The following LAMTOR5 variants were observed in gnomAD, a reference collection of about 807,000 sequenced individuals.
LAMTOR5 encodes ragulator complex protein LAMTOR5.
LAMTOR5 carries 8 observed loss-of-function variants against 12.1 expected under a neutral mutation model. That is an observed-to-expected ratio of 0.66 (90% CI 0.39 to 1.19). The LOEUF is 1.19. LAMTOR5 is among the 50% of genes most tolerant of loss of function. The pLI is 0.01. For synonymous variants in LAMTOR5, 37 were observed against 41.9 expected, an observed-to-expected ratio of 0.88 and a Z score of 0.45; for missense variants, 110 against 112.8, an observed-to-expected ratio of 0.97 and a Z score of 0.11.
upstream of LAMTOR5, chr1:110,407,846 G>C: frequency 1.2e-6 from 2 of 1,613,786 alleles, no homozygotes; most frequent in Non-Finnish European, 1.7e-6. Flanking sequence ...GACCGTCGAG[G>C]TGACCTGCAC....
intron 3 of LAMTOR5, 132 bp from the exon 4 acceptor site, chr1:110,401,715 AAACAT>A (rs1485467847): frequency 4.4e-6 from 4 of 911,828 alleles, no homozygotes; most frequent in African/African-American, 1.7e-5. Context: ...AGCAATATTT[AAACAT>A]AACAAAACAT....
upstream of LAMTOR5, chr1:110,407,699 C>G (rs770210810): frequency 2.5e-6 from 4 of 1,614,200 alleles, no homozygotes; most frequent in Non-Finnish European, 3.4e-6. Context: ...TCACTTGACG[C>G]GAGCGGGGCG....
chr1:110,405,538 A>T (rs1230555859), intron 2 of LAMTOR5, among the ~76,000 whole-genome samples: 4 of 151,960 alleles, frequency 2.6e-5, no homozygotes, highest in Non-Finnish European at 5.9e-5. Flanking sequence ...ACTGTGTTGC[A>T]CAGGCTGGTC....
At chr1:110,402,894 C>T (rs762616738) in intron 3 of LAMTOR5, among the ~76,000 whole-genome samples, 3 of 152,214 alleles carry the variant, frequency 2.0e-5, no homozygotes, top group Admixed American at 6.5e-5. Flanking sequence ...GTTTTATTGA[C>T]TCACTCAGAG....
rs2270686 is a variant in LAMTOR5 at position 110,401,500 on chromosome 1, C to A, written c.*23G>T. On this transcript the variant is annotated 3_prime_UTR_variant, in exon 4 of 4. Transcript: ENST00000602318. ...GGTAGGATCCAGTTCCTATGACAGG[C>A]TGCTGAAGAACAGATATGAGCATCA... The A allele has an allele frequency of 2.0e-4, 312 of 1,594,780 alleles. No homozygotes were observed. In the East Asian group the frequency reaches 6.5e-3, roughly 33 times the overall value.
chr1:110,407,867 G>T, upstream of LAMTOR5: 1 of 1,612,306 alleles, frequency 6.2e-7, no homozygotes, highest in Non-Finnish European at 8.5e-7. Context: ...CTGGCTCCAT[G>T]GCGGAACCGG....
At chr1:110,407,748 A>AC (rs771515691), upstream of LAMTOR5, 2 of 1,614,096 alleles carry the variant, frequency 1.2e-6, no homozygotes, top group South Asian at 2.2e-5. Flanking sequence ...AAAATTGATC[A>AC]CGGTGCAACG....
intron 2 of LAMTOR5, among the ~76,000 whole-genome samples, chr1:110,405,630 C>T (rs1482094134): frequency 6.6e-6 from 1 of 152,044 alleles, no homozygotes; most frequent in East Asian, 1.9e-4. Context: ...TGCACCTGGT[C>T]CCTCAATTTC....
chr1:110,407,591 TTCCAAGTGCTGC>T lies in LAMTOR5; in HGVS notation c.18_29del (p.Gln7_Glu10del). On this transcript the variant is annotated inframe_deletion, in exon 1 of 4. Transcript: ENST00000602318. ...AAGAGGCGCGCACTACTCACGTGTC[TTCCAAGTGCTGC>T]TCCAAGGTCGCCTCCATCCCACCCA... 6.2e-7 allele frequency: 1 copy of T among 1,613,980 alleles called. No homozygotes were observed. Among genetic ancestry groups the T allele is most frequent in the Non-Finnish European group, 8.5e-7 (1 of 1,179,958 alleles).
At chr1:110,402,824 TA>T (rs1480973362) in intron 3 of LAMTOR5, among the ~76,000 whole-genome samples, 1 of 152,074 alleles carries the variant, frequency 6.6e-6, no homozygotes, top group Non-Finnish European at 1.5e-5. Flanking sequence ...TAAAAAAGTT[TA>T]AAAAAAGAAT....
chr1:110,407,330 A>G, intron 1 of LAMTOR5: 1 of 591,294 alleles, frequency 1.7e-6, no homozygotes, highest in South Asian at 2.1e-5. Context: ...ACAACGAGAT[A>G]GGCAGTTTTG....
rs768733273 is a variant in LAMTOR5 at position 110,406,355 on chromosome 1, T to TC, written c.59dup (p.Val21SerfsTer10). The stretch of plus-strand genomic sequence containing the variant: ...GTCCTTGTGAATCTGTGCACAGGAC[T>TC]CCAACAATGGAGGGATTCTTCATTC... On this transcript the variant is annotated frameshift_variant, in exon 2 of 4. Coordinates refer to ENST00000602318, the MANE Select transcript of LAMTOR5 (RefSeq NM_001382293.1). LOFTEE classifies it high-confidence loss of function. 6.2e-7 allele frequency: 1 copy of TC among 1,610,228 alleles called. No homozygotes were observed.
chr1:110,406,201 C>T (rs941113023), intron 2 of LAMTOR5, 117 bp downstream of exon 2: 26 of 588,308 alleles, frequency 4.4e-5, no homozygotes, highest in Admixed American at 2.4e-4. Flanking sequence ...CTCTCAAACT[C>T]AGAAAGACCT....
At chr1:110,405,331 T>C (rs1663306298) in intron 2 of LAMTOR5, among the ~76,000 whole-genome samples, 1 of 151,932 alleles carries the variant, frequency 6.6e-6, no homozygotes, top group African/African-American at 2.4e-5. Flanking sequence ...TGGCTAATTT[T>C]TTTTTGCATT....
Position 110,403,955 on chromosome 1 carries a change from G to A in LAMTOR5, c.179C>T (p.Thr60Ile). ...TTCTAGACACACCACAGGAATATCA[G>A]TGGGGTCAGAGGTTAGCTTAGCTGC... ...QQAAKLTSDP[T>I]DIPVVCLESD... is the part of the protein sequence containing the mutation. The change falls in exon 3 of 4, where the codon ACT (threonine) becomes ATT (isoleucine). Residue 60 changes from threonine to isoleucine, a missense_variant. By Grantham distance (89) the Thr-to-Ile change is moderately conservative. Coordinates refer to ENST00000602318, the MANE Select transcript of LAMTOR5 (RefSeq NM_001382293.1). The A allele has an allele frequency of 1.9e-6, 3 of 1,614,208 alleles. No homozygotes were observed. Among genetic ancestry groups the A allele is most frequent in the Non-Finnish European group, 2.5e-6 (3 of 1,180,032 alleles).
At chr1:110,403,022 C>T (rs979374479) in intron 3 of LAMTOR5, among the ~76,000 whole-genome samples, 3 of 152,008 alleles carry the variant, frequency 2.0e-5, no homozygotes, top group Non-Finnish European at 2.9e-5. Flanking sequence ...ACATAAATAC[C>T]ACTGTTATAA....
intron 1 of LAMTOR5, chr1:110,406,981 G>T: frequency 1.5e-6 from 1 of 652,866 alleles, no homozygotes; most frequent in Non-Finnish European, 2.8e-6. Context: ...TGTTAAAAAC[G>T]CATGTTTTAG....
intron 1 of LAMTOR5, chr1:110,406,617 G>C: frequency 3.0e-6 from 1 of 329,772 alleles, no homozygotes; most frequent in African/African-American, 2.2e-5. Context: ...CTGAGGTCGG[G>C]AGTTCAAGAC....
chr1:110,402,661 GA>G (rs1456475398), intron 3 of LAMTOR5, among the ~76,000 whole-genome samples: 43 of 152,124 alleles, frequency 2.8e-4, no homozygotes, highest in South Asian at 2.1e-4. Context: ...ATCATTACAG[GA>G]GATGACAACT....
Sources: gnomAD v4.1 joint callset for allele counts (sites outside exome capture counted in the v4.1 genomes callset) on GRCh38, gnomAD v4.1.1 for gene constraint, MANE v1.5 for transcripts, NCBI Gene and HGNC (gene_info 2026-07-23, HGNC 2026-07-21) for gene names.